Variants in CSMD1 observed in about 807,000 individuals in gnomAD.
CSMD1 encodes CUB and sushi domain-containing protein 1.
Under a neutral mutation model 417.5 loss-of-function variants are expected in CSMD1, and 213 were observed. The observed-to-expected ratio is 0.51, with a 90% CI of 0.46 to 0.57. CSMD1 has a LOEUF of 0.57. Ranked by LOEUF, CSMD1 falls within the 20% of genes least tolerant of loss-of-function variation. The pLI is 0.00. For synonymous variants in CSMD1, 2,862 were observed against 1,736.8 expected (o/e 1.65, Z -16.11); for missense variants, 6,923 against 4,529.7 (o/e 1.53, Z -15.17).
chr8:3,442,178 A>C (rs1815027350), intron 12 of CSMD1, among the ~76,000 whole-genome samples: 2 of 151,802 alleles, frequency 1.3e-5, no homozygotes, highest in South Asian at 4.1e-4. Context: ...GTTATAGCAA[A>C]ACAATAAAAA....
At chr8:3,924,953 C>T (rs1809547003) in intron 5 of CSMD1, among the ~76,000 whole-genome samples, 1 of 152,116 alleles carries the variant, frequency 6.6e-6, no homozygotes, top group Admixed American at 6.5e-5. Context: ...TGAAGTTCTG[C>T]ATTGCTTTCT....
intron 3 of CSMD1, among the ~76,000 whole-genome samples, chr8:4,059,541 G>C (rs970994182): frequency 6.6e-6 from 1 of 151,946 alleles, no homozygotes. Flanking sequence ...TTGATAGACT[G>C]CTAGCAAGAC....
At chr8:4,899,535 G>T (rs191874098) in intron 1 of CSMD1, among the ~76,000 whole-genome samples, 26 of 152,066 alleles carry the variant, frequency 1.7e-4, no homozygotes, top group Non-Finnish European at 2.9e-4. Context: ...GCAAATGAGC[G>T]TATCTATATC....
At chr8:4,913,968 G>A (rs374469711) in intron 1 of CSMD1, among the ~76,000 whole-genome samples, 2 of 152,282 alleles carry the variant, frequency 1.3e-5, no homozygotes, top group East Asian at 1.9e-4. Flanking sequence ...AGCCAATTAA[G>A]ATTTTAAACT....
chr8:2,986,200 C>G (rs1585097270), intron 54 of CSMD1, among the ~76,000 whole-genome samples: 1 of 152,168 alleles, frequency 6.6e-6, no homozygotes, highest in Non-Finnish European at 1.5e-5. Context: ...ATAATATAAA[C>G]TTTGAAGAGG....
intron 2 of CSMD1, among the ~76,000 whole-genome samples, chr8:4,540,243 G>C (rs1017403616): frequency 1.3e-5 from 2 of 152,166 alleles, no homozygotes; most frequent in African/African-American, 4.8e-5. Context: ...TAATGTGGTA[G>C]ATTCCAGCAA....
intron 1 of CSMD1, among the ~76,000 whole-genome samples, chr8:4,759,342 C>A (rs1353398328): frequency 6.6e-6 from 1 of 152,152 alleles, no homozygotes; most frequent in Non-Finnish European, 1.5e-5. Context: ...GCCAGCAATG[C>A]CAATAAAGGG....
intron 10 of CSMD1, among the ~76,000 whole-genome samples, chr8:3,505,451 C>T (rs981779027): frequency 1.3e-5 from 2 of 152,132 alleles, no homozygotes; most frequent in Non-Finnish European, 2.9e-5. Context: ...ATGGAAGATA[C>T]ACTTTCACGA....
chr8:3,623,909 G>A (rs367819936), intron 7 of CSMD1, among the ~76,000 whole-genome samples: 83 of 152,004 alleles, frequency 5.5e-4, no homozygotes, highest in African/African-American at 1.7e-3. Context: ...CCCGGGAGGC[G>A]GAGTTTGCAG....
At chr8:3,842,042 C>G (rs938745845) in intron 5 of CSMD1, among the ~76,000 whole-genome samples, 3 of 152,204 alleles carry the variant, frequency 2.0e-5, no homozygotes, top group African/African-American at 7.2e-5. Context: ...AATGCATACC[C>G]TTGTTCTTAA....
intron 7 of CSMD1, among the ~76,000 whole-genome samples, chr8:3,656,485 G>A (rs1343767221): frequency 6.6e-6 from 1 of 152,170 alleles, no homozygotes; most frequent in Non-Finnish European, 1.5e-5. Flanking sequence ...TGCATCTGAA[G>A]CATTCATTAT....
At chr8:3,673,921 G>A (rs962290721) in intron 7 of CSMD1, among the ~76,000 whole-genome samples, 5 of 152,046 alleles carry the variant, frequency 3.3e-5, no homozygotes, top group Admixed American at 2.0e-4. Flanking sequence ...AGTTTCAGAC[G>A]AGCCTGGGCA....
At chr8:4,972,112 GA>G (rs1563905679) in intron 1 of CSMD1, among the ~76,000 whole-genome samples, 1 of 152,100 alleles carries the variant, frequency 6.6e-6, no homozygotes, top group African/African-American at 2.4e-5. Flanking sequence ...TCTGATAAAA[GA>G]AAGAGTAATA....
intron 2 of CSMD1, among the ~76,000 whole-genome samples, chr8:4,615,670 C>T (rs1314221355): frequency 1.3e-5 from 2 of 151,942 alleles, no homozygotes; most frequent in Non-Finnish European, 2.9e-5. Flanking sequence ...GGTGTTATTT[C>T]CTTATACCAT....
At chr8:4,274,470 G>A (rs947951233) in intron 3 of CSMD1, among the ~76,000 whole-genome samples, 4 of 152,034 alleles carry the variant, frequency 2.6e-5, no homozygotes, top group Non-Finnish European at 4.4e-5. Context: ...CAGTCGTAAT[G>A]GCATTAATTG....
intron 3 of CSMD1, among the ~76,000 whole-genome samples, chr8:4,080,288 G>C (rs113712801): frequency 6.6e-6 from 1 of 152,086 alleles, no homozygotes; most frequent in Admixed American, 6.6e-5. Context: ...TGCACACCAC[G>C]GTTACAGTGT....
intron 5 of CSMD1, among the ~76,000 whole-genome samples, chr8:3,901,934 G>C (rs1807781947): frequency 1.3e-5 from 2 of 152,142 alleles, no homozygotes; most frequent in East Asian, 1.9e-4. Context: ...ATGAACAAGA[G>C]GACCAGACAT....
chr8:4,392,829 G>A (rs1467083484), intron 3 of CSMD1, among the ~76,000 whole-genome samples: 2 of 151,768 alleles, frequency 1.3e-5, no homozygotes, highest in Admixed American at 6.6e-5. Context: ...TTAGCCGGGT[G>A]TGGTGGCAGG....
chr8:4,622,122 AAGAACGATTAATTTAT>A (rs1390735264), intron 2 of CSMD1, among the ~76,000 whole-genome samples: 14 of 151,878 alleles, frequency 9.2e-5, no homozygotes, highest in Admixed American at 3.3e-4. Flanking sequence ...ATTCAGTATG[AAGAACGATTAATTTAT>A]AGAAGATTAA....
Sources: gnomAD v4.1 joint callset for allele counts (sites outside exome capture counted in the v4.1 genomes callset) on GRCh38, gnomAD v4.1.1 for gene constraint, MANE v1.5 for transcripts, NCBI Gene and HGNC (gene_info 2026-07-23, HGNC 2026-07-21) for gene names.